Variants in PPFIA2 observed in about 807,000 individuals in gnomAD.
PPFIA2 encodes the protein liprin-alpha-2.
PPFIA2 carries 46 observed loss-of-function variants against 175.5 expected under a neutral mutation model. The observed-to-expected ratio is 0.26, with a 90% confidence interval of 0.21 to 0.34. PPFIA2 has a LOEUF of 0.34. PPFIA2 is among the 10% of genes least tolerant of loss of function. PPFIA2 has a pLI of 1.00. For synonymous variants in PPFIA2, 568 were observed against 511.4 expected (o/e 1.11, Z -1.49); for missense variants, 1,179 against 1,506.1 (o/e 0.78, Z 3.60).
chr12:81,300,630 C>A (rs982106485), intron 22 of PPFIA2, among the ~76,000 whole-genome samples: 1 of 152,110 alleles, frequency 6.6e-6, no homozygotes, highest in Non-Finnish European at 1.5e-5. Context: ...TTAAGTTCTG[C>A]ATGTAAGCTA....
intron 8 of PPFIA2, among the ~76,000 whole-genome samples, chr12:81,399,912 C>T (rs2041842059): frequency 6.6e-6 from 1 of 151,988 alleles, no homozygotes; most frequent in Non-Finnish European, 1.5e-5. Context: ...ATCAATAATG[C>T]ATAAAATGAG....
chr12:81,476,682 C>A (rs1362576066), intron 4 of PPFIA2, among the ~76,000 whole-genome samples: 6 of 152,086 alleles, frequency 3.9e-5, no homozygotes, highest in Non-Finnish European at 8.8e-5. Flanking sequence ...CCAGAAATAC[C>A]ATTTGACCCA....
chr12:81,576,722 C>T (rs981657836), intron 4 of PPFIA2, among the ~76,000 whole-genome samples: 1 of 151,724 alleles, frequency 6.6e-6, no homozygotes. Flanking sequence ...TTTCTTATTG[C>T]TGAACTATAC....
chr12:81,681,556 C>T (rs1212583227), intron 3 of PPFIA2, among the ~76,000 whole-genome samples: 1 of 151,848 alleles, frequency 6.6e-6, no homozygotes, highest in Admixed American at 6.6e-5. Context: ...AGTGGTTGTT[C>T]GCCTGCACCT....
intron 8 of PPFIA2, among the ~76,000 whole-genome samples, chr12:81,398,033 T>A (rs756443004): frequency 6.6e-6 from 1 of 152,008 alleles, no homozygotes; most frequent in Non-Finnish European, 1.5e-5. Flanking sequence ...AGTTGTATAA[T>A]TATTTCATTA....
At chr12:81,664,630 G>A (rs961099968) in intron 4 of PPFIA2, among the ~76,000 whole-genome samples, 2 of 152,068 alleles carry the variant, frequency 1.3e-5, no homozygotes, top group African/African-American at 2.4e-5. Flanking sequence ...TCACTGTGGC[G>A]ATTCCTCAGG....
At chr12:81,310,889 A>G (rs957662305) in intron 22 of PPFIA2, among the ~76,000 whole-genome samples, 1 of 152,176 alleles carries the variant, frequency 6.6e-6, no homozygotes, top group Non-Finnish European at 1.5e-5. Context: ...TAGTTAATAA[A>G]GTAATATTAC....
intron 4 of PPFIA2, among the ~76,000 whole-genome samples, chr12:81,596,186 A>G (rs1224646195): frequency 6.6e-6 from 1 of 151,970 alleles, no homozygotes; most frequent in Non-Finnish European, 1.5e-5. Flanking sequence ...ATAATCATTC[A>G]GTATAATTGT....
chr12:81,288,465 A>G (rs574565214), intron 24 of PPFIA2, among the ~76,000 whole-genome samples: 83 of 151,976 alleles, frequency 5.5e-4, no homozygotes, highest in African/African-American at 1.9e-3. Flanking sequence ...ATCAGAATTA[A>G]AGAACTTACC....
chr12:81,707,297 T>G (rs1248839059), intron 3 of PPFIA2, among the ~76,000 whole-genome samples: 2 of 151,654 alleles, frequency 1.3e-5, no homozygotes, highest in African/African-American at 4.8e-5. Flanking sequence ...ATATCCAGAA[T>G]CTACAATGAA....
chr12:81,334,285 T>C (rs1188877107), intron 21 of PPFIA2, among the ~76,000 whole-genome samples: 2 of 152,196 alleles, frequency 1.3e-5, no homozygotes, highest in African/African-American at 2.4e-5. Flanking sequence ...AGTGAAGTTT[T>C]AGTTTTAAGT....
chr12:81,704,500 A>G (rs2076868591), intron 3 of PPFIA2, among the ~76,000 whole-genome samples: 1 of 152,152 alleles, frequency 6.6e-6, no homozygotes, highest in African/African-American at 2.4e-5. Context: ...TGAAATATGT[A>G]ATAAAACTTA....
intron 4 of PPFIA2, among the ~76,000 whole-genome samples, chr12:81,600,648 C>T (rs924284583): frequency 6.6e-6 from 1 of 151,870 alleles, no homozygotes; most frequent in Middle Eastern, 3.4e-3. Context: ...TTTTAAATGA[C>T]TAAATAGATT....
At position 81,524,432 on chromosome 12, in the gene PPFIA2, C is replaced by T. The variant is rs150470675; in HGVS notation, c.304-66566G>A. Among the ~76,000 whole-genome samples the T allele has an allele frequency of 3.6e-3, 553 of 152,344 alleles. 3 individuals carry two copies. Among genetic ancestry groups the T allele is most frequent in the African/African-American group, 0.012 (516 of 41,568 alleles). On this transcript the variant is annotated intron_variant, in intron 4 of 32. Coordinates refer to ENST00000549396, the MANE Select transcript of PPFIA2 (RefSeq NM_003625.5). ...ACAACTGAGTCAAAGAAGATTCTTC[C>T]ACAACATTTATGTTTTGGACTTGTT...
chr12:81,336,234 A>G (rs1319523327), intron 21 of PPFIA2, among the ~76,000 whole-genome samples: 1 of 152,230 alleles, frequency 6.6e-6, no homozygotes, highest in Non-Finnish European at 1.5e-5. Context: ...AGGATGTCAT[A>G]AGAAAATTTT....
intron 23 of PPFIA2, among the ~76,000 whole-genome samples, chr12:81,298,639 T>C (rs546966538): frequency 1.3e-5 from 2 of 152,204 alleles, no homozygotes; most frequent in Non-Finnish European, 2.9e-5. Flanking sequence ...CAGCCCTTCG[T>C]AGTCAAATAT....
At chr12:81,736,562 T>G (rs1302522518) in intron 3 of PPFIA2, among the ~76,000 whole-genome samples, 1 of 151,938 alleles carries the variant, frequency 6.6e-6, no homozygotes, top group African/African-American at 2.4e-5. Context: ...GGGATGCATT[T>G]GAAGGAGGAA....
chr12:81,293,982 T>G (rs898855147), intron 24 of PPFIA2, among the ~76,000 whole-genome samples: 3 of 152,160 alleles, frequency 2.0e-5, no homozygotes, highest in African/African-American at 7.2e-5. Flanking sequence ...CTAATGTCTT[T>G]TGTAGCAACA....
At chr12:81,688,711 C>A (rs1415123250) in intron 3 of PPFIA2, among the ~76,000 whole-genome samples, 2 of 149,922 alleles carry the variant, frequency 1.3e-5, no homozygotes, top group African/African-American at 4.9e-5. Flanking sequence ...GACTGTGGTA[C>A]CTTAAGGCAA....
Sources: allele counts gnomAD v4.1 joint callset (sites outside exome capture counted in the v4.1 genomes callset), GRCh38; gene constraint gnomAD v4.1.1; transcripts MANE v1.5; gene names NCBI Gene and HGNC (gene_info 2026-07-23, HGNC 2026-07-21).